Variants in DMD observed in about 807,000 individuals in gnomAD.
The protein encoded by DMD is dystrophin, also known as mutant dystrophin.
A neutral mutation model predicts 330.1 loss-of-function variants in DMD; 63 were observed. The observed-to-expected ratio is 0.19, with a 90% CI of 0.16 to 0.24. The LOEUF is 0.24. Ranked by LOEUF, DMD falls within the 10% of genes least tolerant of loss-of-function variation. The probability of loss-of-function intolerance (pLI) is 1.00; values close to 1 mark genes in which losing one functional copy is unlikely to be tolerated. For missense variants in DMD, 3,344 were observed against 2,684.1 expected, an observed-to-expected ratio of 1.25 and a Z score of -5.43; for synonymous variants, 1,223 against 959.8, an observed-to-expected ratio of 1.27 and a Z score of -5.07.
chrX:32,395,715 G>C (rs1473797119), intron 30 of DMD, among the ~76,000 whole-genome samples: 1 of 111,340 alleles, frequency 9.0e-6, no homozygotes, highest in Non-Finnish European at 1.9e-5. Flanking sequence ...GAGGGTCAGA[G>C]AATAAGAATA....
chrX:32,545,135 G>A (rs1443649727), intron 17 of DMD, 24 bp downstream of exon 17: 3 of 1,199,852 alleles, frequency 2.5e-6, no homozygotes, highest in Admixed American at 2.2e-5. Context: ...TTCATTTGCA[G>A]ATAAAAGCTT....
chrX:32,521,680 C>A (rs756882515), intron 17 of DMD, among the ~76,000 whole-genome samples: 3 of 112,141 alleles, frequency 2.7e-5, no homozygotes, highest in Non-Finnish European at 5.6e-5. Context: ...CATTATATGC[C>A]AAGGTTTAAA....
At chrX:32,292,299 A>ATTATTTTTTTTTTTTTTTTTTTTTTT (rs1355530949) in intron 42 of DMD, among the ~76,000 whole-genome samples, 1 of 30,869 alleles carries the variant, frequency 3.2e-5, no homozygotes, top group Non-Finnish European at 5.1e-5. Context: ...CAAAGGGAAT[A>ATTATTTTTTTTTTTTTTTTTTTTTTT]TTCTTTTTTT....
At chrX:32,062,630 C>T (rs1055222001) in intron 44 of DMD, among the ~76,000 whole-genome samples, 5 of 110,605 alleles carry the variant, frequency 4.5e-5, no homozygotes, top group Non-Finnish European at 7.6e-5. Context: ...TTTTGTATAT[C>T]GGGAATACGT....
chrX:32,956,216 A>G (rs2091574047), intron 2 of DMD, among the ~76,000 whole-genome samples: 1 of 111,687 alleles, frequency 9.0e-6, no homozygotes, highest in Admixed American at 9.6e-5. Flanking sequence ...TCTCAATGGT[A>G]GTTTAATAGG....
At chrX:32,246,754 G>A (rs1395046921) in intron 43 of DMD, among the ~76,000 whole-genome samples, 6 of 108,939 alleles carry the variant, frequency 5.5e-5, no homozygotes, top group Non-Finnish European at 1.1e-4. Context: ...TTTGTGTAGA[G>A]GTGTTTGTAG....
At chrX:31,305,225 C>T (rs180821757) in intron 62 of DMD, among the ~76,000 whole-genome samples, 323 of 111,753 alleles carry the variant, frequency 2.9e-3, no homozygotes, top group African/African-American at 9.9e-3. Flanking sequence ...AGCTAATTAA[C>T]GTATCCATTA....
intron 1 of DMD, among the ~76,000 whole-genome samples, chrX:33,136,309 A>G (rs1203916651): frequency 1.4e-4 from 13 of 95,046 alleles, no homozygotes; most frequent in African/African-American, 5.0e-4. Context: ...AAAAAAAACC[A>G]CAACAGATTC....
At chrX:31,702,288 T>G (rs1372854923) in intron 52 of DMD, among the ~76,000 whole-genome samples, 1 of 111,536 alleles carries the variant, frequency 9.0e-6, no homozygotes, top group Non-Finnish European at 1.9e-5. Context: ...ATAATCAGAG[T>G]AAAATCTGTG....
chrX:33,044,934 T>C (rs372216111), intron 1 of DMD, among the ~76,000 whole-genome samples: 56 of 111,457 alleles, frequency 5.0e-4, no homozygotes, highest in African/African-American at 1.7e-3. Flanking sequence ...CCCAAGAGGA[T>C]TTGGGGTAAA....
intron 17 of DMD, among the ~76,000 whole-genome samples, chrX:32,525,827 T>C (rs1186547402): frequency 8.9e-6 from 1 of 112,080 alleles, no homozygotes; most frequent in African/African-American, 3.2e-5. Flanking sequence ...GAACGAAATA[T>C]ATCATTCAGA....
At chrX:32,189,156 C>G (rs751488351) in intron 44 of DMD, among the ~76,000 whole-genome samples, 10 of 109,975 alleles carry the variant, frequency 9.1e-5, no homozygotes, top group Admixed American at 3.9e-4. Flanking sequence ...GCACAATAAT[C>G]CTATTTAACA....
At chrX:32,329,497 G>C (rs1221098537) in intron 41 of DMD, among the ~76,000 whole-genome samples, 1 of 111,794 alleles carries the variant, frequency 8.9e-6, no homozygotes, top group Non-Finnish European at 1.9e-5. Context: ...TTCCCATTAG[G>C]GAGGCCAATA....
intron 47 of DMD, among the ~76,000 whole-genome samples, chrX:31,903,915 A>G (rs1473507600): frequency 8.9e-6 from 1 of 111,869 alleles, no homozygotes; most frequent in African/African-American, 3.2e-5. Flanking sequence ...ATTTGCCACA[A>G]TACTTTTGAA....
upstream of DMD, chrX:33,211,615 G>A (rs937580177): frequency 2.1e-6 from 2 of 940,308 alleles, no homozygotes; most frequent in Non-Finnish European, 2.7e-6. Flanking sequence ...CAAGTGACCC[G>A]CCTTCTCTCT....
At chrX:32,831,429 T>C (rs961052680) in intron 4 of DMD, among the ~76,000 whole-genome samples, 10 of 110,905 alleles carry the variant, frequency 9.0e-5, no homozygotes, top group African/African-American at 2.9e-4. Flanking sequence ...AACAAGTTAG[T>C]GTTATTTTTG....
At chrX:32,829,721 A>T (rs1206628388) in intron 4 of DMD, among the ~76,000 whole-genome samples, 1 of 111,927 alleles carries the variant, frequency 8.9e-6, no homozygotes, top group Non-Finnish European at 1.9e-5. Flanking sequence ...CTATGCCTAC[A>T]TCATTAGAGT....
chrX:33,156,695 T>C (rs2048522773), intron 1 of DMD, among the ~76,000 whole-genome samples: 1 of 112,308 alleles, frequency 8.9e-6, no homozygotes, highest in Admixed American at 9.5e-5. Flanking sequence ...TTCATACTCC[T>C]ATTTAGTGTG....
chrX:31,205,402 T>A (rs760135321), intron 66 of DMD, among the ~76,000 whole-genome samples: 1 of 112,345 alleles, frequency 8.9e-6, no homozygotes, highest in Non-Finnish European at 1.9e-5. Context: ...ATTTTGCATT[T>A]AATATTTTTG....
Sources: gnomAD v4.1 joint callset for allele counts (sites outside exome capture counted in the v4.1 genomes callset) on GRCh38, gnomAD v4.1.1 for gene constraint, MANE v1.5 for transcripts, NCBI Gene and HGNC (gene_info 2026-07-23, HGNC 2026-07-21) for gene names.